Variants in SGPP1 observed in about 807,000 individuals in gnomAD.
The protein encoded by SGPP1 is hSPP1.
Under a neutral mutation model 33.0 loss-of-function variants are expected in SGPP1, and 21 were observed. That is an observed-to-expected ratio of 0.64 (90% CI 0.45 to 0.92). The LOEUF is 0.92. Ranked by LOEUF, SGPP1 falls within the 40% of genes least tolerant of loss-of-function variation. SGPP1 has a pLI of 0.00. For missense variants in SGPP1, 543 were observed against 589.4 expected, an observed-to-expected ratio of 0.92 and a Z score of 0.81; for synonymous variants, 239 against 241.2, an observed-to-expected ratio of 0.99 and a Z score of 0.08.
chr14:63,697,042 G>A (rs1035821248), intron 2 of SGPP1, among the ~76,000 whole-genome samples: 9 of 152,218 alleles, frequency 5.9e-5, no homozygotes, highest in Middle Eastern at 3.4e-3. Context: ...AGAGCGGGGG[G>A]AGGAAAGGGC....
At chr14:63,716,596 G>A (rs571929833) in intron 1 of SGPP1, among the ~76,000 whole-genome samples, 2 of 152,068 alleles carry the variant, frequency 1.3e-5, no homozygotes, top group Non-Finnish European at 2.9e-5. Flanking sequence ...TGGATGCTGA[G>A]GCAGGAGGTT....
At position 63,690,318 on chromosome 14, in the gene SGPP1, C is replaced by T. The variant is rs137873103; in HGVS notation, c.775-3662G>A. On this transcript the variant is annotated intron_variant, in intron 2 of 2. Coordinates refer to ENST00000247225, the MANE Select transcript of SGPP1 (RefSeq NM_030791.4). ...TCAGCCTCCCACAGTGTTGGGATTA[C>T]AGCTGTGAGCCACTGTGACCGGCTG... Among the ~76,000 whole-genome samples, 114 of 152,336 alleles carry T rather than the reference C, an allele frequency of 7.5e-4. 2 individuals carry two copies. In the East Asian group the frequency reaches 0.012, roughly 16 times the overall value.
At chr14:63,699,470 A>C (rs1885252043) in intron 1 of SGPP1, among the ~76,000 whole-genome samples, 1 of 152,126 alleles carries the variant, frequency 6.6e-6, no homozygotes, top group Non-Finnish European at 1.5e-5. Context: ...GTGGTTAGGG[A>C]AGTTGGGTTG....
chr14:63,701,269 C>A (rs1885293811), intron 1 of SGPP1, among the ~76,000 whole-genome samples: 1 of 152,124 alleles, frequency 6.6e-6, no homozygotes, highest in Non-Finnish European at 1.5e-5. Context: ...GAGGCATGAG[C>A]CACCACTCCT....
intron 1 of SGPP1, among the ~76,000 whole-genome samples, chr14:63,719,403 T>C (rs1885721389): frequency 6.6e-6 from 1 of 152,068 alleles, no homozygotes; most frequent in South Asian, 2.1e-4. Context: ...GGAAACCAGA[T>C]ACTCTCATAC....
At chr14:63,705,001 C>A in intron 1 of SGPP1, among the ~76,000 whole-genome samples, 1 of 151,868 alleles carries the variant, frequency 6.6e-6, no homozygotes, top group Non-Finnish European at 1.5e-5. Flanking sequence ...GTGATGTGTG[C>A]CTGTAGTCCC....
chr14:63,719,709 TTC>T (rs1595072782), intron 1 of SGPP1, among the ~76,000 whole-genome samples: 1 of 150,150 alleles, frequency 6.7e-6, no homozygotes, highest in East Asian at 1.9e-4. Context: ...TTCTCTCTCC[TTC>T]TGTTTGCCTC....
At chr14:63,719,440 C>T (rs1409406086) in intron 1 of SGPP1, among the ~76,000 whole-genome samples, 5 of 151,822 alleles carry the variant, frequency 3.3e-5, no homozygotes, top group African/African-American at 4.8e-5. Context: ...TAAATTAGTA[C>T]AATCTTTATG....
intron 2 of SGPP1, among the ~76,000 whole-genome samples, chr14:63,695,000 G>C (rs1293095411): frequency 6.6e-6 from 1 of 152,000 alleles, no homozygotes; most frequent in South Asian, 2.1e-4. Context: ...GTGATTTGCT[G>C]AGACTGAAAT....
In SGPP1 at chr14:63,684,624, G is replaced by A. The variant is rs1884933413; in HGVS notation, c.*1481C>T. The A allele has an allele frequency of 6.6e-6, 1 of 152,434 alleles. No individual in the cohort carries two copies. The highest frequency in any genetic ancestry group is 1.5e-5 in the Non-Finnish European group (1 of 67,912). The allele number at this position is 152,434 out of a possible 1,614,324, so 9.4% of individuals were successfully genotyped here. The stretch of plus-strand genomic sequence containing the variant: ...CAAAATAGAAACATCTGAAGTGATA[G>A]TTCTGGATAATCATACAGATATTGC... On this transcript the variant is annotated 3_prime_UTR_variant, in exon 3 of 3. Transcript: ENST00000247225.
intron 1 of SGPP1, among the ~76,000 whole-genome samples, chr14:63,713,779 G>A (rs1432353167): frequency 6.6e-6 from 1 of 152,158 alleles, no homozygotes; most frequent in Non-Finnish European, 1.5e-5. Context: ...AGTTGACAAG[G>A]TTTGAATTTG....
intron 1 of SGPP1, among the ~76,000 whole-genome samples, chr14:63,699,890 C>T (rs1000664693): frequency 2.6e-5 from 4 of 152,188 alleles, no homozygotes; most frequent in East Asian, 3.9e-4. Flanking sequence ...CACACAAGAG[C>T]GTATCTTCCT....
intron 1 of SGPP1, among the ~76,000 whole-genome samples, chr14:63,716,235 T>C (rs1213085991): frequency 6.6e-6 from 1 of 152,194 alleles, no homozygotes; most frequent in East Asian, 1.9e-4. Flanking sequence ...GGCAAGGTAC[T>C]GTAATCCCAG....
At chr14:63,695,346 A>G (rs1359306733) in intron 2 of SGPP1, among the ~76,000 whole-genome samples, 1 of 152,110 alleles carries the variant, frequency 6.6e-6, no homozygotes, top group Non-Finnish European at 1.5e-5. Flanking sequence ...GTGAGCCACC[A>G]CGCCCAGCCT....
chr14:63,726,642 T>C (rs1595075802), intron 1 of SGPP1, among the ~76,000 whole-genome samples: 1 of 152,204 alleles, frequency 6.6e-6, no homozygotes, highest in African/African-American at 2.4e-5. Context: ...AGATTAGTGA[T>C]CCAGAAGATA....
intron 2 of SGPP1, among the ~76,000 whole-genome samples, chr14:63,694,856 C>T (rs1002427703): frequency 6.6e-6 from 1 of 151,992 alleles, no homozygotes; most frequent in African/African-American, 2.4e-5. Context: ...GTTAATTACA[C>T]ATCTAAATGG....
chr14:63,708,467 T>C (rs1265749851), intron 1 of SGPP1, among the ~76,000 whole-genome samples: 5 of 151,526 alleles, frequency 3.3e-5, no homozygotes, highest in Admixed American at 2.6e-4. Flanking sequence ...TTTTGCCATA[T>C]TGGCCAGGCT....
In SGPP1 at chr14:63,727,416, TGCACTGGCCCAGGTACATGACCAGC is replaced by T; in HGVS notation, c.504_528del (p.Leu169ProfsTer59). ...CTCGGCCAGCGGATGATGTCCTTGG[TGCACTGGCCCAGGTACATGACCAGC>T]ACCCAGATGACCACGAGCCTCCGGC... On this transcript the variant is annotated frameshift_variant, in exon 1 of 3. Transcript: ENST00000247225. LOFTEE classifies it high-confidence loss of function. The T allele has an allele frequency of 6.2e-7, 1 of 1,613,900 alleles. No homozygotes were observed. Among genetic ancestry groups the T allele is most frequent in the Non-Finnish European group, 8.5e-7 (1 of 1,179,998 alleles).
At chr14:63,710,028 T>C (rs1189754014) in intron 1 of SGPP1, among the ~76,000 whole-genome samples, 1 of 152,226 alleles carries the variant, frequency 6.6e-6, no homozygotes, top group Non-Finnish European at 1.5e-5. Flanking sequence ...TTAATACAAT[T>C]TAAATTTTTC....
Sources: allele counts gnomAD v4.1 joint callset (sites outside exome capture counted in the v4.1 genomes callset), GRCh38; gene constraint gnomAD v4.1.1; transcripts MANE v1.5; gene names NCBI Gene and HGNC (gene_info 2026-07-23, HGNC 2026-07-21).